The following LONP2 variants were observed in gnomAD, a reference collection of about 807,000 sequenced individuals.
LONP2 encodes the protein lon protease homolog 2, peroxisomal.
Under a neutral mutation model 85.6 loss-of-function variants are expected in LONP2, and 60 were observed. The ratio of observed to expected loss-of-function variants is 0.70; its 90% confidence interval spans 0.57 to 0.87. The LOEUF is 0.87. Among genes scored for constraint, LONP2 ranks in the 40% least tolerant of loss-of-function variants. The pLI is 0.00. For missense variants in LONP2, 860 were observed against 1,063.5 expected (o/e 0.81, Z 2.66); for synonymous variants, 395 against 389.7 (o/e 1.01, Z -0.16).
At chr16:48,330,678 A>G (rs967078961) in intron 11 of LONP2, among the ~76,000 whole-genome samples, 19 of 152,200 alleles carry the variant, frequency 1.2e-4, no homozygotes, top group African/African-American at 4.6e-4. Context: ...CACACAGTCC[A>G]GGGGGTGACT....
intron 11 of LONP2, among the ~76,000 whole-genome samples, chr16:48,321,276 AT>A (rs1262534322): frequency 6.6e-6 from 1 of 152,222 alleles, no homozygotes; most frequent in Non-Finnish European, 1.5e-5. Context: ...TTTAAAAAAA[AT>A]ATTACAAAAG....
At chr16:48,270,387 G>A in intron 7 of LONP2, 113 bp downstream of exon 7, 2 of 1,153,330 alleles carry the variant, frequency 1.7e-6, no homozygotes, top group Non-Finnish European at 2.5e-6. Context: ...GCTATGTGTG[G>A]TACCTTGAAT....
In LONP2 at chr16:48,348,145, A is replaced by G; in HGVS notation, c.2192A>G (p.His731Arg). The G allele has an allele frequency of 6.2e-7, 1 of 1,611,708 alleles. No homozygotes were observed. The highest frequency in any genetic ancestry group is 8.5e-7 in the Non-Finnish European group (1 of 1,179,510). The change falls in exon 14 of 15, where the codon CAC (histidine) becomes CGC (arginine). Residue 731 changes from histidine (H) to arginine (R), a missense_variant. Transcript: ENST00000285737. Reference sequence around the variant, plus strand: ...CTTGACAACACAGACATCCATCTGCACTTCCCAGCTGGAGCTGTCACAAAA... The same window carrying G: ...CTTGACAACACAGACATCCATCTGCGCTTCCCAGCTGGAGCTGTCACAAAA... ...DLLDNTDIHL[H>R]FPAGAVTKDG...
chr16:48,305,400 G>A (rs558485915), intron 11 of LONP2, among the ~76,000 whole-genome samples: 140 of 152,094 alleles, frequency 9.2e-4, no homozygotes, highest in Middle Eastern at 3.4e-3. Flanking sequence ...TACTGTAGAC[G>A]GATGCCACCA....
At chr16:48,327,972 G>A (rs1011747204) in intron 11 of LONP2, among the ~76,000 whole-genome samples, 3 of 152,138 alleles carry the variant, frequency 2.0e-5, no homozygotes, top group African/African-American at 7.2e-5. Context: ...GGGATGCTGG[G>A]TAGAATGAGA....
downstream of LONP2, chr16:48,360,962 T>C (rs1296750995): frequency 6.6e-6 from 1 of 152,168 alleles, no homozygotes; most frequent in African/African-American, 2.4e-5. Context: ...AAAGAAAATA[T>C]TGAACACGTT....
chr16:48,346,692 G>A (rs924117867), intron 12 of LONP2, among the ~76,000 whole-genome samples: 2 of 152,008 alleles, frequency 1.3e-5, no homozygotes, highest in Non-Finnish European at 2.9e-5. Context: ...GGGCTCAAGC[G>A]ATCCTGTCGT....
At chr16:48,287,478 C>G in intron 8 of LONP2, among the ~76,000 whole-genome samples, 1 of 152,198 alleles carries the variant, frequency 6.6e-6, no homozygotes, top group East Asian at 1.9e-4. Context: ...GGCAAATGTC[C>G]TAAGGATAAA....
chr16:48,305,166 C>T (rs1238491573), intron 11 of LONP2, among the ~76,000 whole-genome samples: 1 of 152,186 alleles, frequency 6.6e-6, no homozygotes, highest in Non-Finnish European at 1.5e-5. Context: ...GGAGGCAGTG[C>T]CTTCATTATG....
At chr16:48,255,127 G>A (rs1303428852) in intron 2 of LONP2, among the ~76,000 whole-genome samples, 2 of 152,162 alleles carry the variant, frequency 1.3e-5, no homozygotes, top group Non-Finnish European at 2.9e-5. Context: ...TGTGAACTAA[G>A]TTTTGCTATG....
At chr16:48,256,537 A>G (rs968367460) in intron 2 of LONP2, 73 bp from the exon 3 acceptor site, 2 of 1,507,780 alleles carry the variant, frequency 1.3e-6, no homozygotes, top group African/African-American at 1.4e-5. Flanking sequence ...TTAAACCTAG[A>G]TGGAAATCTG....
At chr16:48,288,087 T>G (rs773022002) in intron 8 of LONP2, among the ~76,000 whole-genome samples, 12 of 152,112 alleles carry the variant, frequency 7.9e-5, no homozygotes, top group Non-Finnish European at 1.6e-4. Context: ...TGAGAAGGCT[T>G]CTTTGTTGTC....
intron 9 of LONP2, among the ~76,000 whole-genome samples, chr16:48,296,596 G>A (rs1399867873): frequency 2.6e-5 from 4 of 151,906 alleles, no homozygotes; most frequent in South Asian, 4.2e-4. Context: ...GCATGGTGGC[G>A]GGCGCCTGTA....
At chr16:48,331,747 G>A (rs1959461745) in intron 11 of LONP2, among the ~76,000 whole-genome samples, 1 of 152,070 alleles carries the variant, frequency 6.6e-6, no homozygotes, top group Non-Finnish European at 1.5e-5. Context: ...TGTATTTTTA[G>A]TAGAGACGGG....
At chr16:48,341,051 C>T (rs1397461886) in intron 12 of LONP2, among the ~76,000 whole-genome samples, 2 of 152,200 alleles carry the variant, frequency 1.3e-5, no homozygotes, top group East Asian at 1.9e-4. Flanking sequence ...CCTGTAATCC[C>T]AGCACTTTGG....
At position 48,269,890 on chromosome 16, in the gene LONP2, A is replaced by G. The variant is rs56403551; in HGVS notation, c.983-126A>G. 3,269 of 965,440 alleles carry G rather than the reference A, an allele frequency of 3.4e-3. 82 individuals are homozygous for G. The African/African-American group carries it at 0.047, about 14-fold the overall frequency. The allele number at this position is 965,440 out of a possible 1,614,324, so 59.8% of individuals were successfully genotyped here. ...GATCTCCTAGAATCCTCATCTAGAA[A>G]GATCCAAGTCTGTTCTTATCACATC... On this transcript the variant is annotated intron_variant, in intron 6 of 14. Coordinates refer to ENST00000285737, the MANE Select transcript of LONP2 (RefSeq NM_031490.5).
intron 4 of LONP2, 94 bp from the exon 5 acceptor site, chr16:48,261,330 T>G: frequency 1.1e-6 from 1 of 871,050 alleles, no homozygotes; most frequent in Non-Finnish European, 1.7e-6. Context: ...ATAAAAATAT[T>G]TATTCAGCAC....
At position 48,296,162 on chromosome 16, in the gene LONP2, C is replaced by T. The variant is rs377478975; in HGVS notation, c.1531C>T (p.Pro511Ser). 2 of 1,613,776 alleles carry T rather than the reference C, an allele frequency of 1.2e-6. No individual in the cohort carries two copies. The highest frequency in any genetic ancestry group is 1.7e-6 in the Non-Finnish European group (2 of 1,179,960). The change falls in exon 9 of 15, where the codon CCA (proline) becomes TCA (serine). Residue 511 changes from proline to serine, a missense_variant. By Grantham distance (74) the Pro-to-Ser change is moderately conservative. Transcript: ENST00000285737. Reference sequence around the variant, plus strand: ...GGACAGAATGGAGATCATTCAGGTTCCAGGTACCTGACTCTTAAATCATTA... The same window carrying T: ...GGACAGAATGGAGATCATTCAGGTTTCAGGTACCTGACTCTTAAATCATTA... Reference protein sequence around the residue: ...LLDRMEIIQVPGYTQEEKIEI... With the variant: ...LLDRMEIIQVSGYTQEEKIEI...
intron 7 of LONP2, among the ~76,000 whole-genome samples, chr16:48,272,356 A>T (rs1567316972): frequency 6.6e-6 from 1 of 152,320 alleles, no homozygotes; most frequent in African/African-American, 2.4e-5. Flanking sequence ...TCTGTTGCCT[A>T]CTAATGGACA....
Sources: gnomAD v4.1 joint callset for allele counts (sites outside exome capture counted in the v4.1 genomes callset) on GRCh38, gnomAD v4.1.1 for gene constraint, MANE v1.5 for transcripts, NCBI Gene and HGNC (gene_info 2026-07-23, HGNC 2026-07-21) for gene names.